Variants in IL12RB1 observed in about 807,000 individuals in gnomAD.
IL12RB1 encodes interleukin 12 receptor subunit beta 1.
A neutral mutation model predicts 94.4 loss-of-function variants in IL12RB1; 64 were observed. The ratio of observed to expected loss-of-function variants is 0.68; its 90% CI spans 0.55 to 0.83. The LOEUF (loss-of-function observed/expected upper bound fraction) is 0.83, where lower values mean the gene tolerates loss of function less well. Ranked by LOEUF, IL12RB1 falls within the 40% of genes least tolerant of loss-of-function variation. IL12RB1 has a pLI of 0.00. For missense variants in IL12RB1, 814 were observed against 855.6 expected, an observed-to-expected ratio of 0.95 and a Z score of 0.61; for synonymous variants, 362 against 355.5, an observed-to-expected ratio of 1.02 and a Z score of -0.21.
At position 18,062,205 on chromosome 19, in the gene IL12RB1, A is replaced by G. The variant is rs948431593; in HGVS notation, c.1691T>C (p.Val564Ala). ...GSFLSILLVG[V>A]LGYLGLNRAA... ...CCTGTTCAGGCCAAGGTAGCCAAGG[A>G]CGCCCACGAGAAGGATGCTCAGGAA... Residue 564 changes from valine to alanine, a missense_variant, in exon 14 of 17, where the codon GTC becomes GCC. Coordinates refer to ENST00000593993, the MANE Select transcript of IL12RB1 (RefSeq NM_005535.3). 2.3e-5 allele frequency: 37 copies of G among 1,612,784 alleles called. No homozygotes were observed. Among genetic ancestry groups the G allele is most frequent in the Non-Finnish European group, 3.0e-5 (35 of 1,179,134 alleles).
At chr19:18,088,072 G>A (rs373727213), upstream of IL12RB1, among the ~76,000 whole-genome samples, 1 of 151,810 alleles carries the variant, frequency 6.6e-6, no homozygotes, top group East Asian at 1.9e-4. Flanking sequence ...AAACAACATA[G>A]CAAGACCCCA....
chr19:18,071,045 T>A lies in IL12RB1; in HGVS notation c.1021+1067A>T, dbSNP rs17882349. 642 of 232,952 alleles carry A rather than the reference T, an allele frequency of 2.8e-3. 3 individuals carry two copies. The highest frequency in any genetic ancestry group is 0.015 in the African/African-American group (624 of 42,290). The allele number at this position is 232,952 out of a possible 1,614,324, so 14.4% of individuals were successfully genotyped here. ...TGAGGGCAGGAGTTTGAGACCAGCC[T>A]GGGCAACATGGTGAAACTCCATCTC... is the stretch of plus-strand genomic sequence containing the variant. On this transcript the variant is annotated intron_variant, in intron 9 of 16. Transcript: ENST00000593993.
intron 1 of IL12RB1, among the ~76,000 whole-genome samples, chr19:18,094,761 C>T (rs550881620): frequency 2.2e-4 from 34 of 151,844 alleles, no homozygotes; most frequent in Non-Finnish European, 3.2e-4. Context: ...GCTACTCCGC[C>T]CTCCAGCCTG....
At chr19:18,069,906 G>A (rs762107017) in intron 9 of IL12RB1, among the ~76,000 whole-genome samples, 193 bp from the exon 10 acceptor site, 1 of 151,886 alleles carries the variant, frequency 6.6e-6, no homozygotes, top group Non-Finnish European at 1.5e-5. Context: ...GTAGCAGATG[G>A]CGTTTGTTTT....
At chr19:18,086,264 ATAAATAAG>A (rs892071878) in intron 1 of IL12RB1, among the ~76,000 whole-genome samples, 3 of 138,222 alleles carry the variant, frequency 2.2e-5, no homozygotes, top group African/African-American at 5.5e-5. Context: ...AAATAAATAA[ATAAATAAG>A]TAAAGTATAC....
chr19:18,097,977 C>T, intron 1 of IL12RB1: 1 of 603,600 alleles, frequency 1.7e-6, no homozygotes, highest in East Asian at 3.9e-5. Flanking sequence ...TCTTTTTGAC[C>T]ACCCGCTTCT....
intron 1 of IL12RB1, among the ~76,000 whole-genome samples, chr19:18,085,729 C>A (rs532321286): frequency 1.3e-5 from 2 of 152,178 alleles, no homozygotes; most frequent in East Asian, 3.9e-4. Flanking sequence ...CCCACCTCAG[C>A]TCCTAAGTAG....
intron 15 of IL12RB1, among the ~76,000 whole-genome samples, chr19:18,060,404 G>A (rs948780053): frequency 6.6e-6 from 1 of 152,072 alleles, no homozygotes; most frequent in Non-Finnish European, 1.5e-5. Context: ...GTTTGAACCC[G>A]GGAATCAGAG....
chr19:18,083,282 G>A, intron 2 of IL12RB1, 150 bp downstream of exon 2: 1 of 785,976 alleles, frequency 1.3e-6, no homozygotes. Flanking sequence ...GGTAAGAATG[G>A]GCCAGCAGGT....
intron 4 of IL12RB1, among the ~76,000 whole-genome samples, chr19:18,079,680 C>T (rs569769155): frequency 2.0e-4 from 30 of 151,890 alleles, no homozygotes; most frequent in Admixed American, 1.6e-3. Flanking sequence ...GAGGCTGAGG[C>T]GGGTGGATCA....
chr19:18,093,397 A>T (rs6512245), intron 1 of IL12RB1, among the ~76,000 whole-genome samples: 20,648 of 150,720 alleles, frequency 0.14, 1,664 homozygotes, highest in African/African-American at 0.22. Context: ...CCACAGAAAA[A>T]CTGCATTCAT....
chr19:18,091,754 G>A (rs1263258119), upstream of IL12RB1, among the ~76,000 whole-genome samples: 2 of 151,984 alleles, frequency 1.3e-5, no homozygotes, highest in Admixed American at 6.6e-5. Flanking sequence ...CTGGAGTGCA[G>A]TGACACAATC....
chr19:18,077,758 T>A, intron 4 of IL12RB1, 103 bp from the exon 5 acceptor site: 1 of 770,256 alleles, frequency 1.3e-6, no homozygotes, highest in South Asian at 1.4e-5. Flanking sequence ...AATCCCTAAA[T>A]ATGAATTAGG....
chr19:18,083,440 G>T lies in IL12RB1; in HGVS notation c.116C>A (p.Ala39Glu). The change falls in exon 2 of 17, where the codon GCA becomes GAA. Residue 39 changes from alanine (A) to glutamate (E), a missense_variant. Coordinates refer to ENST00000593993, the MANE Select transcript of IL12RB1 (RefSeq NM_005535.3). ...GAGGAACTGCCCCGAACCTGAGTCT[G>T]CATCCGGATATGGCGGGTCCTGAAA... is the stretch of plus-strand genomic sequence containing the variant. Reference protein sequence around the residue: ...CCFQDPPYPDADSGSASGPRD... With the variant: ...CCFQDPPYPDEDSGSASGPRD... 6.2e-7 allele frequency: 1 copy of T among 1,614,016 alleles called. No homozygotes were observed. Among genetic ancestry groups the T allele is most frequent in the Non-Finnish European group, 8.5e-7 (1 of 1,179,930 alleles).
At chr19:18,085,760 C>T (rs116563798) in intron 1 of IL12RB1, among the ~76,000 whole-genome samples, 4,134 of 152,080 alleles carry the variant, frequency 0.027, 189 homozygotes, top group African/African-American at 0.093. Flanking sequence ...AGGTGCCCAT[C>T]ATCAAGCCTG....
At chr19:18,083,264 T>G in intron 2 of IL12RB1, 168 bp downstream of exon 2, 1 of 738,714 alleles carries the variant, frequency 1.4e-6, no homozygotes, top group Non-Finnish European at 2.5e-6. Context: ...CCAGGGCAAC[T>G]TGAACCTGGT....
chr19:18,091,942 T>A (rs1288183646), upstream of IL12RB1, among the ~76,000 whole-genome samples: 1 of 150,942 alleles, frequency 6.6e-6, no homozygotes, highest in Admixed American at 6.6e-5. Context: ...AGTGGTGCGA[T>A]TTCAGCTCAC....
Position 18,072,282 on chromosome 19 carries a change from A to T in IL12RB1, c.851T>A (p.Leu284Gln), listed in dbSNP as rs1236215248. ...CGGGCAGGACAGCATGTGGAGCTGT[A>T]GTCGGTAAGTGACCTCCGTGCCAGG... The part of the protein sequence containing the change: ...LAPGTEVTYR[L>Q]QLHMLSCPCK... Residue 284 changes from leucine (L) to glutamine (Q), a missense_variant, in exon 9 of 17, where the codon CTA becomes CAA. Physicochemically the swap from Leu to Gln is moderately radical, Grantham distance 113 (BLOSUM62 -2). Transcript: ENST00000593993. 2 of 1,614,132 alleles carry T rather than the reference A, an allele frequency of 1.2e-6. No homozygotes were observed. The highest frequency in any genetic ancestry group is 2.2e-5 in the South Asian group (2 of 91,070).
intron 2 of IL12RB1, chr19:18,083,135 G>A (rs551620064): frequency 3.6e-4 from 197 of 552,842 alleles, no homozygotes; most frequent in South Asian, 1.6e-3. Flanking sequence ...TTGGGGGGGG[G>A]GCTTCAAAAT....
Sources: gnomAD v4.1 joint callset for allele counts (sites outside exome capture counted in the v4.1 genomes callset) on GRCh38, gnomAD v4.1.1 for gene constraint, MANE v1.5 for transcripts, NCBI Gene and HGNC (gene_info 2026-07-23, HGNC 2026-07-21) for gene names.